The following ATP1B3 variants were observed in gnomAD, a reference collection of about 807,000 sequenced individuals.
ATP1B3 encodes the protein sodium/potassium-transporting ATPase subunit beta-3.
ATP1B3 carries 10 observed loss-of-function variants against 30.2 expected under a neutral mutation model. That is an observed-to-expected ratio of 0.33 (90% CI 0.20 to 0.56). The LOEUF is 0.56. Ranked by LOEUF, ATP1B3 falls within the 20% of genes least tolerant of loss-of-function variation. The probability of loss-of-function intolerance (pLI) is 0.90; values close to 1 mark genes in which losing one functional copy is unlikely to be tolerated. For missense variants in ATP1B3, 238 were observed against 336.7 expected, an observed-to-expected ratio of 0.71 and a Z score of 2.29; for synonymous variants, 113 against 117.0, an observed-to-expected ratio of 0.97 and a Z score of 0.22.
At chr3:141,916,563 T>C in intron 5 of ATP1B3, 1 of 1,288,124 alleles carries the variant, frequency 7.8e-7, no homozygotes, top group Non-Finnish European at 1.0e-6. Flanking sequence ...AGACAAATAA[T>C]GTAAAAGATG....
At chr3:141,912,539 G>A (rs566653258) in intron 3 of ATP1B3, among the ~76,000 whole-genome samples, 14 of 152,282 alleles carry the variant, frequency 9.2e-5, no homozygotes, top group African/African-American at 3.1e-4. Context: ...GGGATTACAG[G>A]CATGAGCCAC....
chr3:141,890,077 A>AT (rs1168391065), intron 1 of ATP1B3, among the ~76,000 whole-genome samples: 2 of 118,726 alleles, frequency 1.7e-5, no homozygotes, highest in Non-Finnish European at 3.4e-5. Context: ...CTGTAATCTA[A>AT]TTTTTTTTCT....
At chr3:141,908,406 C>T (rs1170383267) in intron 3 of ATP1B3, among the ~76,000 whole-genome samples, 1 of 152,156 alleles carries the variant, frequency 6.6e-6, no homozygotes, top group Non-Finnish European at 1.5e-5. Flanking sequence ...CAACTGCTCC[C>T]TAGAACATTA....
chr3:141,925,609 T>A lies in ATP1B3; in HGVS notation c.748T>A (p.Cys250Ser), dbSNP rs777318924. 1 of 1,613,758 alleles carries A rather than the reference T, an allele frequency of 6.2e-7. No homozygotes were observed. Among genetic ancestry groups the A allele is most frequent in the Non-Finnish European group, 8.5e-7 (1 of 1,179,864 alleles). ...CACTGGGAAAGAAGTAACAGTTGAG[T>A]GCAAGATTGATGGATCAGCCAACCT... Reference protein sequence around the residue: ...NNTGKEVTVECKIDGSANLKS... With the variant: ...NNTGKEVTVESKIDGSANLKS... The change falls in exon 7 of 7, where the codon TGC becomes AGC. Residue 250 changes from cysteine to serine, a missense_variant. Physicochemically the swap from Cys to Ser is moderately radical, Grantham distance 112 (BLOSUM62 -1). This residue lies in a region of ATP1B3 where 50 missense variants were observed against 62.3 expected (regional missense o/e 0.80). Coordinates refer to ENST00000286371, the MANE Select transcript of ATP1B3 (RefSeq NM_001679.4).
intron 5 of ATP1B3, among the ~76,000 whole-genome samples, chr3:141,917,034 T>C (rs1198917455): frequency 2.9e-4 from 43 of 150,608 alleles, no homozygotes; most frequent in Admixed American, 6.6e-4. Context: ...TTTTTTTTTT[T>C]TGGAGAGACA....
intron 1 of ATP1B3, among the ~76,000 whole-genome samples, chr3:141,877,274 G>A (rs1222914463): frequency 1.3e-5 from 2 of 151,996 alleles, no homozygotes; most frequent in Non-Finnish European, 2.9e-5. Context: ...CGAGCCCCCG[G>A]GCCTCCTTTG....
intron 3 of ATP1B3, among the ~76,000 whole-genome samples, chr3:141,907,892 TTTAA>T (rs1281109884): frequency 2.6e-5 from 4 of 152,124 alleles, no homozygotes; most frequent in Non-Finnish European, 5.9e-5. Context: ...AACTAAATAT[TTTAA>T]TTAATAGAGC....
In ATP1B3 at chr3:141,891,500, T is replaced by A. The variant is rs576457151; in HGVS notation, c.110-12120T>A. ...TGAACATTTTAATTTTCCTAAAAAA[T>A]TTTATATTTCATCTGTTTTCACATT... On this transcript the variant is annotated intron_variant, in intron 1 of 6. Transcript: ENST00000286371. Among the ~76,000 whole-genome samples the A allele has an allele frequency of 2.9e-3, 436 of 152,308 alleles. 2 individuals carry two copies. Among genetic ancestry groups the A allele is most frequent in the Non-Finnish European group, 4.9e-3 (336 of 67,988 alleles).
chr3:141,893,113 A>G (rs888539874), intron 1 of ATP1B3, among the ~76,000 whole-genome samples: 1 of 152,012 alleles, frequency 6.6e-6, no homozygotes, highest in Non-Finnish European at 1.5e-5. Context: ...GGTTAAAGCA[A>G]TTCTCCTGCC....
chr3:141,913,610 C>G, intron 3 of ATP1B3, 42 bp from the exon 4 acceptor site: 1 of 1,484,152 alleles, frequency 6.7e-7, no homozygotes, highest in Non-Finnish European at 9.0e-7. Flanking sequence ...TTTTTAGTAC[C>G]TTTTTTGGCT....
At chr3:141,896,425 G>A (rs1209192587) in intron 1 of ATP1B3, among the ~76,000 whole-genome samples, 1 of 152,164 alleles carries the variant, frequency 6.6e-6, no homozygotes, top group South Asian at 2.1e-4. Flanking sequence ...GGAGGCTGGG[G>A]CAGGAGGATT....
At chr3:141,905,288 C>G (rs1174105621) in intron 2 of ATP1B3, among the ~76,000 whole-genome samples, 6 of 152,112 alleles carry the variant, frequency 3.9e-5, no homozygotes, top group Non-Finnish European at 7.4e-5. Context: ...CAGTGGTTTT[C>G]AACCACTGAG....
Position 141,925,649 on chromosome 3 carries a change from A to T in ATP1B3, c.788A>T (p.Asp263Val). 1 of 1,613,074 alleles carries T rather than the reference A, an allele frequency of 6.2e-7. No homozygotes were observed. Residue 263 changes from aspartate to valine, a missense_variant, in exon 7 of 7, where the codon GAT (aspartate) becomes GTT (valine). Transcript: ENST00000286371. ...TCAGCCAACCTAAAAAGTCAGGATG[A>T]TCGTGACAAGTTTTTGGGACGAGTT... ...DGSANLKSQD[D>V]RDKFLGRVMF...
At chr3:141,889,657 G>C (rs1367431506) in intron 1 of ATP1B3, among the ~76,000 whole-genome samples, 1 of 149,252 alleles carries the variant, frequency 6.7e-6, no homozygotes, top group African/African-American at 2.5e-5. Context: ...GAACGCAGGA[G>C]GCAGAGGTTG....
At chr3:141,924,680 G>A (rs560211518) in intron 6 of ATP1B3, among the ~76,000 whole-genome samples, 1 of 152,230 alleles carries the variant, frequency 6.6e-6, no homozygotes, top group East Asian at 1.9e-4. Context: ...AGGGTCGGGT[G>A]TGGCGGCTCA....
chr3:141,914,327 A>AT (rs1219637798), intron 4 of ATP1B3, among the ~76,000 whole-genome samples: 1 of 152,248 alleles, frequency 6.6e-6, no homozygotes, highest in Admixed American at 6.5e-5. Context: ...AGAAATACAA[A>AT]TAAAATCCCA....
At chr3:141,889,728 C>CAAAAAA (rs1168549266) in intron 1 of ATP1B3, among the ~76,000 whole-genome samples, 17 of 48,480 alleles carry the variant, frequency 3.5e-4, no homozygotes, top group African/African-American at 1.2e-3. Flanking sequence ...GACTCCGTCT[C>CAAAAAA]AAAAAAAAAA....
chr3:141,910,831 T>C (rs1934345943), intron 3 of ATP1B3, among the ~76,000 whole-genome samples: 1 of 151,710 alleles, frequency 6.6e-6, no homozygotes, highest in Non-Finnish European at 1.5e-5. Context: ...TCCTTAGTTT[T>C]GATGGAGTAC....
chr3:141,913,651 G>A lies in ATP1B3; in HGVS notation c.347-1G>A, dbSNP rs1288497888. The A allele has an allele frequency of 6.2e-7, 1 of 1,607,144 alleles. No homozygotes were observed. Among genetic ancestry groups the A allele is most frequent in the Admixed American group, 1.7e-5 (1 of 58,816 alleles). On this transcript the variant is annotated splice_acceptor_variant, in intron 3 of 6. Transcript: ENST00000286371. LOFTEE classifies it high-confidence loss of function. ...AGCACACATATATGTTTCCTTTTTA[G>A]CATATACTTTAGAAGAACAGAAGAA...
Sources: gnomAD v4.1 joint callset for allele counts (sites outside exome capture counted in the v4.1 genomes callset) on GRCh38, gnomAD v4.1.1 for gene constraint, gnomAD v4.1.1 regional missense constraint, MANE v1.5 for transcripts, NCBI Gene and HGNC (gene_info 2026-07-23, HGNC 2026-07-21) for gene names.